KIAA1328: variants seen among roughly 807,000 people sequenced by gnomAD.
KIAA1328 encodes the protein protein hinderin.
A neutral mutation model predicts 68.1 loss-of-function variants in KIAA1328; 52 were observed. The ratio of observed to expected loss-of-function variants is 0.76; its 90% CI spans 0.61 to 0.96. The LOEUF (loss-of-function observed/expected upper bound fraction) is 0.96. KIAA1328 is among the 40% of genes least tolerant of loss of function. The pLI, the probability that KIAA1328 is intolerant of heterozygous loss-of-function variation, is 0.00. For synonymous variants in KIAA1328, 232 were observed against 239.4 expected (o/e 0.97, Z 0.28); for missense variants, 641 against 677.6 (o/e 0.95, Z 0.60).
At chr18:37,041,442 A>G (rs1443750878) in intron 6 of KIAA1328, among the ~76,000 whole-genome samples, 2 of 151,968 alleles carry the variant, frequency 1.3e-5, no homozygotes, top group African/African-American at 2.4e-5. Flanking sequence ...TCTGAAATGT[A>G]TTATGGACCA....
Position 36,934,707 on chromosome 18 carries a change from C to T in KIAA1328, c.449-24601C>T, listed in dbSNP as rs79934776. On this transcript the variant is annotated intron_variant, in intron 5 of 9. Coordinates refer to ENST00000280020, the MANE Select transcript of KIAA1328 (RefSeq NM_020776.3). Reference sequence around the variant, plus strand: ...CCTCTCCTCTAAATTTTTTTTTAGTCTTTCTTTTCATATTACCATTTTTGT... The same window carrying T: ...CCTCTCCTCTAAATTTTTTTTTAGTTTTTCTTTTCATATTACCATTTTTGT... Among the ~76,000 whole-genome samples the T allele has an allele frequency of 3.6e-3, 551 of 152,078 alleles. 17 individuals are homozygous for T. In the East Asian group the frequency reaches 0.084, roughly 23 times the overall value.
At chr18:37,026,448 G>T (rs545040737) in intron 6 of KIAA1328, among the ~76,000 whole-genome samples, 1 of 152,132 alleles carries the variant, frequency 6.6e-6, no homozygotes, top group Non-Finnish European at 1.5e-5. Context: ...CAATATCCCT[G>T]ATGAACATCG....
intron 5 of KIAA1328, chr18:36,895,896 C>G (rs976971653): frequency 5.1e-6 from 2 of 391,764 alleles, no homozygotes; most frequent in Non-Finnish European, 1.0e-5. Flanking sequence ...GAGGCCACAG[C>G]AAGAAGGTAG....
At chr18:36,871,629 T>C (rs1190686880) in intron 4 of KIAA1328, among the ~76,000 whole-genome samples, 1 of 152,028 alleles carries the variant, frequency 6.6e-6, no homozygotes, top group East Asian at 1.9e-4. Flanking sequence ...TAAATAATTA[T>C]GTAGGTATGT....
At chr18:37,109,462 A>G (rs1475010274) in intron 7 of KIAA1328, among the ~76,000 whole-genome samples, 1 of 152,174 alleles carries the variant, frequency 6.6e-6, no homozygotes, top group South Asian at 2.1e-4. Flanking sequence ...TTTTTCAATC[A>G]TATTTGTTAT....
intron 6 of KIAA1328, among the ~76,000 whole-genome samples, chr18:37,060,014 G>C (rs1298979430): frequency 6.6e-6 from 1 of 151,884 alleles, no homozygotes; most frequent in East Asian, 1.9e-4. Context: ...GTTGGGGGAT[G>C]GGGGGCTAGG....
intron 7 of KIAA1328, among the ~76,000 whole-genome samples, chr18:37,086,762 T>A (rs1358343522): frequency 6.6e-6 from 1 of 152,224 alleles, no homozygotes; most frequent in Non-Finnish European, 1.5e-5. Flanking sequence ...GTTTCTAGTA[T>A]TGCCATTAAG....
Position 36,835,229 on chromosome 18 carries a change from C to G in KIAA1328, c.95-5C>G. 1 of 1,608,364 alleles carries G rather than the reference C, an allele frequency of 6.2e-7. No homozygotes were observed. Among genetic ancestry groups the G allele is most frequent in the Non-Finnish European group, 8.5e-7 (1 of 1,177,622 alleles). ...TTTGAAATCTTGTTTAATGGAAATC[C>G]TTAGGAATTTCTGCTGAAGGAAATG... On this transcript the variant is annotated splice_polypyrimidine_tract_variant and splice_region_variant and intron_variant, in intron 2 of 9. Coordinates refer to ENST00000280020, the MANE Select transcript of KIAA1328 (RefSeq NM_020776.3).
intron 6 of KIAA1328, among the ~76,000 whole-genome samples, chr18:37,061,442 C>T (rs2056143238): frequency 6.6e-6 from 1 of 152,128 alleles, no homozygotes. Context: ...AAAAATTCAT[C>T]AAGCTGTACA....
At chr18:37,075,818 C>T (rs1257466934) in intron 7 of KIAA1328, among the ~76,000 whole-genome samples, 1 of 152,144 alleles carries the variant, frequency 6.6e-6, no homozygotes, top group Non-Finnish European at 1.5e-5. Flanking sequence ...TACAGGAGCA[C>T]CCAGATTCAT....
chr18:37,072,714 G>C (rs1479656971), intron 7 of KIAA1328, among the ~76,000 whole-genome samples: 1 of 151,946 alleles, frequency 6.6e-6, no homozygotes, highest in Non-Finnish European at 1.5e-5. Context: ...ATAGGTATAC[G>C]GGTACCATGG....
At chr18:37,230,770 G>A (rs2060660772), downstream of KIAA1328, 1 of 152,170 alleles carries the variant, frequency 6.6e-6, no homozygotes, top group Non-Finnish European at 1.5e-5. Context: ...GGAGGGTGGG[G>A]CTAGAAGACA....
At chr18:36,887,950 G>A (rs2048555759) in intron 5 of KIAA1328, among the ~76,000 whole-genome samples, 1 of 152,142 alleles carries the variant, frequency 6.6e-6, no homozygotes. Flanking sequence ...CCCTTGTTTG[G>A]TAAAATACTT....
intron 7 of KIAA1328, among the ~76,000 whole-genome samples, chr18:37,152,096 T>TAA (rs376117913): frequency 4.0e-3 from 336 of 84,616 alleles, no homozygotes; most frequent in African/African-American, 0.011. Flanking sequence ...TGGACCTATG[T>TAA]AAAAAAAAAA....
chr18:36,983,719 A>T (rs2052790659), intron 6 of KIAA1328, among the ~76,000 whole-genome samples: 1 of 152,128 alleles, frequency 6.6e-6, no homozygotes, highest in South Asian at 2.1e-4. Context: ...TCTATTTTCT[A>T]CATAAAGTCT....
chr18:36,873,261 A>ATCAG (rs1330441336), intron 4 of KIAA1328, among the ~76,000 whole-genome samples: 1 of 152,160 alleles, frequency 6.6e-6, no homozygotes, highest in Non-Finnish European at 1.5e-5. Flanking sequence ...CCTTAAGTAA[A>ATCAG]TCAGTCACCC....
chr18:37,115,180 C>G (rs953710088), intron 7 of KIAA1328, among the ~76,000 whole-genome samples: 2 of 152,126 alleles, frequency 1.3e-5, no homozygotes, highest in Non-Finnish European at 2.9e-5. Context: ...CAGCATCATC[C>G]TGATACTAAA....
chr18:37,027,532 G>A (rs1255266986), intron 6 of KIAA1328, among the ~76,000 whole-genome samples: 2 of 152,170 alleles, frequency 1.3e-5, no homozygotes, highest in African/African-American at 2.4e-5. Flanking sequence ...ATAGACCAAT[G>A]CAACAGAACA....
In KIAA1328 at chr18:37,040,418, T is replaced by C. The variant is rs144820147; in HGVS notation, c.577-26472T>C. Among the ~76,000 whole-genome samples the C allele has an allele frequency of 1.2e-4, 19 of 152,334 alleles. No homozygotes were observed. The East Asian group carries it at 2.3e-3, about 19-fold the overall frequency. ...TTCTATAAGGTCAGCAGTCTGACTT[T>C]ATGGTCTCCTCTTTAATTCCTGATT... On this transcript the variant is annotated intron_variant, in intron 6 of 9. Transcript: ENST00000280020.
Sources: gnomAD v4.1 joint callset for allele counts (sites outside exome capture counted in the v4.1 genomes callset) on GRCh38, gnomAD v4.1.1 for gene constraint, MANE v1.5 for transcripts, NCBI Gene and HGNC (gene_info 2026-07-23, HGNC 2026-07-21) for gene names.